PIK3CD: variants seen among roughly 807,000 people sequenced by gnomAD.
The protein encoded by PIK3CD is phosphatidylinositol-4,5-bisphosphate 3-kinase catalytic subunit delta, also known as phosphatidylinositol 4,5-bisphosphate 3-kinase catalytic subunit delta isoform.
Under a neutral mutation model 122.9 loss-of-function variants are expected in PIK3CD, and 20 were observed. That is an observed-to-expected ratio of 0.16 (90% CI 0.11 to 0.24). PIK3CD has a LOEUF of 0.24. Ranked by LOEUF, PIK3CD falls within the 10% of genes least tolerant of loss-of-function variation. PIK3CD has a pLI of 1.00. For synonymous variants in PIK3CD, 596 were observed against 593.4 expected (o/e 1.00, Z -0.06); for missense variants, 787 against 1,406.3 (o/e 0.56, Z 7.04).
upstream of PIK3CD, among the ~76,000 whole-genome samples, chr1:9,649,498 G>A (rs755671482): frequency 2.6e-5 from 4 of 152,192 alleles, no homozygotes; most frequent in Non-Finnish European, 5.9e-5. Context: ...CTCCCAAAGT[G>A]CTGGGACTAC....
At chr1:9,716,251 A>C in intron 5 of PIK3CD, 173 bp downstream of exon 5, 2 of 810,808 alleles carry the variant, frequency 2.5e-6, no homozygotes, top group South Asian at 1.5e-5. Context: ...GGCAAGCTCA[A>C]CGTGGCAGGA....
chr1:9,723,975 C>T lies in PIK3CD; in HGVS notation c.2601C>T (p.Ala867=). 1 of 1,614,148 alleles carries T rather than the reference C, an allele frequency of 6.2e-7. No individual in the cohort carries two copies. The highest frequency in any genetic ancestry group is 8.5e-7 in the Non-Finnish European group (1 of 1,180,024). The change falls in exon 21 of 24, where the codon GCC becomes GCT. Residue 867 remains alanine (A), a synonymous_variant. Coordinates refer to ENST00000377346, the MANE Select transcript of PIK3CD (RefSeq NM_005026.5). This position sits in a 1 kb window ranked among gnomAD's most constrained non-coding sequence, Gnocchi z 4.9. ...NWLKSKNPGE[A]LDRAIEEFTL... is the part of the protein sequence containing the mutation. Reference sequence around the variant, plus strand: ...TTTAATCTTCCCCACCCAGGGAGGCCCTGGATCGAGCCATTGAGGAGTTCA... The same window carrying T: ...TTTAATCTTCCCCACCCAGGGAGGCTCTGGATCGAGCCATTGAGGAGTTCA...
At chr1:9,631,335 G>C in the PIK3CD span, among the ~76,000 whole-genome samples, 721 of 152,322 alleles carry the variant, frequency 4.7e-3, 2 homozygotes, top group African/African-American at 0.017. Context: ...CTGTCCTCAT[G>C]GGTACATGAC....
intron 2 of PIK3CD, among the ~76,000 whole-genome samples, chr1:9,695,018 CAG>C (rs2100532224): frequency 6.6e-6 from 1 of 151,600 alleles, no homozygotes; most frequent in East Asian, 1.9e-4. Context: ...GTGTGAAAGA[CAG>C]AGACCCAAAT....
Position 9,720,175 on chromosome 1 carries a change from C to T in PIK3CD, c.1403C>T (p.Ala468Val). The T allele has an allele frequency of 6.2e-7, 1 of 1,612,760 alleles. No homozygotes were observed. Residue 468 changes from alanine (A) to valine (V), a missense_variant, in exon 11 of 24, where the codon GCC becomes GTC. By Grantham distance (64) the Ala-to-Val change is moderately conservative. Around this residue, in one of 6 missense-constraint regions of PIK3CD, gnomAD observed 592 missense variants for 920.6 expected, o/e 0.64. Transcript: ENST00000377346. This position sits in a 1 kb window ranked among gnomAD's most constrained non-coding sequence, Gnocchi z 9.0. ...CGCAGTAACCCCAACACGGATAGCG[C>T]CGCTGCCCTGCTCATCTGCCTGCCC... ...TVRSNPNTDS[A>V]AALLICLPEV...
At chr1:9,651,538 C>CAG (rs1361296053), upstream of PIK3CD, among the ~76,000 whole-genome samples, 2 of 152,196 alleles carry the variant, frequency 1.3e-5, no homozygotes, top group African/African-American at 4.8e-5. Context: ...GTGCAGCTTC[C>CAG]AGAGGCACCT....
rs1373799886 is a variant in PIK3CD, at chr1:9,724,951, G to A, written c.2997+15G>A. The A allele has an allele frequency of 1.2e-6, 2 of 1,613,278 alleles. No homozygotes were observed. Among genetic ancestry groups the A allele is most frequent in the Non-Finnish European group, 8.5e-7 (1 of 1,180,038 alleles). ...AGTATCTCAAGGTATGTGCCGGGCAGGAGACTGCTGTCGCCAGTGGACTTC... is the reference window on the plus strand; with the variant it reads ...AGTATCTCAAGGTATGTGCCGGGCAAGAGACTGCTGTCGCCAGTGGACTTC... On this transcript the variant is annotated intron_variant, in intron 23 of 23. Transcript: ENST00000377346. This position sits in a 1 kb window ranked among gnomAD's most constrained non-coding sequence, Gnocchi z 7.3.
At chr1:9,654,157 G>A in intron 1 of PIK3CD, 1 of 1,312,580 alleles carries the variant, frequency 7.6e-7, no homozygotes, top group South Asian at 1.2e-5. Flanking sequence ...CCGCCCTTCA[G>A]CCCCTGTTCA....
intron 3 of PIK3CD, among the ~76,000 whole-genome samples, chr1:9,712,956 T>A (rs1647116141): frequency 6.6e-6 from 1 of 151,972 alleles, no homozygotes; most frequent in African/African-American, 2.4e-5. Flanking sequence ...CGGAAGCGGG[T>A]AGGTCACCTG....
chr1:9,699,425 C>T (rs761317539), intron 2 of PIK3CD, among the ~76,000 whole-genome samples: 8 of 151,996 alleles, frequency 5.3e-5, no homozygotes, highest in Admixed American at 6.6e-5. Flanking sequence ...AAAATCAGGC[C>T]GCCTCAGTCC....
intron 1 of PIK3CD, among the ~76,000 whole-genome samples, chr1:9,661,852 C>G (rs1027451417): frequency 6.6e-6 from 1 of 152,204 alleles, no homozygotes; most frequent in East Asian, 1.9e-4. Flanking sequence ...AAAAATTAGC[C>G]GAGCTTGGTG....
Position 9,727,451 on chromosome 1 carries a change from G to A in PIK3CD, c.*405G>A, listed in dbSNP as rs907970685. 7 of 390,102 alleles carry A rather than the reference G, an allele frequency of 1.8e-5. No homozygotes were observed. Among genetic ancestry groups the A allele is most frequent in the East Asian group, 9.6e-5 (2 of 20,760 alleles). The allele number at this position is 390,102 out of a possible 1,614,324, so 24.2% of individuals were successfully genotyped here. On this transcript the variant is annotated 3_prime_UTR_variant, in exon 24 of 24. Coordinates refer to ENST00000377346, the MANE Select transcript of PIK3CD (RefSeq NM_005026.5). ...TGCCTACTGTCCGACAGGATGCCTT[G>A]ATCCTCGTGCGACCCACCCTGTGTA... is the stretch of plus-strand genomic sequence containing the variant.
At chr1:9,658,456 G>T (rs1053281525) in intron 1 of PIK3CD, among the ~76,000 whole-genome samples, 1 of 150,400 alleles carries the variant, frequency 6.6e-6, no homozygotes, top group African/African-American at 2.4e-5. Context: ...GTTTTAGGGG[G>T]ATTGCCACGT....
In PIK3CD at chr1:9,720,422, C is replaced by T. The variant is rs767555184; in HGVS notation, c.1470+180C>T. 1.0e-4 allele frequency: 144 copies of T among 1,390,392 alleles called. No individual in the cohort carries two copies. In the African/African-American group the frequency reaches 1.2e-3, roughly 12 times the overall value. The allele number at this position is 1,390,392 out of a possible 1,614,324, so 86.1% of individuals were successfully genotyped here. The stretch of plus-strand genomic sequence containing the variant: ...ATGCTGCGCAGTCTGATGACATTTT[C>T]GGTTGTCACAGCTGCCAGGAGGGAT... On this transcript the variant is annotated intron_variant, in intron 11 of 23. Coordinates refer to ENST00000377346, the MANE Select transcript of PIK3CD (RefSeq NM_005026.5). The surrounding 1 kb of genome is among the most constrained non-coding windows in gnomAD (Gnocchi z 9.0).
the PIK3CD span, among the ~76,000 whole-genome samples, chr1:9,630,437 A>G: frequency 6.6e-6 from 1 of 152,242 alleles, no homozygotes; most frequent in Non-Finnish European, 1.5e-5. Context: ...TCACTCATGT[A>G]TTCCTTCATT....
At chr1:9,654,783 G>A (rs1206738496) in intron 1 of PIK3CD, among the ~76,000 whole-genome samples, 2 of 152,144 alleles carry the variant, frequency 1.3e-5, no homozygotes, top group African/African-American at 2.4e-5. Flanking sequence ...TTTCAGGCTG[G>A]GCGCGGTGGC....
At chr1:9,633,999 G>T in the PIK3CD span, among the ~76,000 whole-genome samples, 1 of 151,618 alleles carries the variant, frequency 6.6e-6, no homozygotes, top group Non-Finnish European at 1.5e-5. Flanking sequence ...TTTAGACAGG[G>T]CCTTGCTCTG....
In PIK3CD at chr1:9,724,783, TC is replaced by T; in HGVS notation, c.2865-19del. 6.2e-7 allele frequency: 1 copy of T among 1,612,070 alleles called. No homozygotes were observed. The highest frequency in any genetic ancestry group is 8.5e-7 in the Non-Finnish European group (1 of 1,179,992). ...GGCTGGGAGTTCCCAGAGCCTCACT[TC>T]CTCTGTCCCCTACCTGCAGGTTCCG... On this transcript the variant is annotated intron_variant, in intron 22 of 23. Transcript: ENST00000377346. This position sits in a 1 kb window ranked among gnomAD's most constrained non-coding sequence, Gnocchi z 7.3.
rs906973167 is a variant in PIK3CD, at chr1:9,721,777, C to T, written c.1972C>T (p.Pro658Ser). The T allele has an allele frequency of 1.2e-6, 2 of 1,613,112 alleles. No individual in the cohort carries two copies. The highest frequency in any genetic ancestry group is 1.1e-5 in the South Asian group (1 of 91,088). ...ACCTTCCAGCTCCGAGATGCACGTG[C>T]CGTCGGTGGCCCTGCGCTTCGGCCT... ...FWHLRSEMHV[P>S]SVALRFGLIL... Residue 658 changes from proline (P) to serine (S), a missense_variant, in exon 16 of 24, where the codon CCG (proline) becomes TCG (serine). Pro to Ser is a moderately conservative substitution (Grantham distance 74, BLOSUM62 -1). Transcript: ENST00000377346.
Sources: allele counts gnomAD v4.1 joint callset (sites outside exome capture counted in the v4.1 genomes callset), GRCh38; gene constraint gnomAD v4.1.1; regional missense constraint gnomAD v4.1.1; non-coding constraint Gnocchi (gnomAD v3.1); transcripts MANE v1.5; gene names NCBI Gene and HGNC (gene_info 2026-07-23, HGNC 2026-07-21).